The following AMH variants were observed in gnomAD, a reference collection of about 807,000 sequenced individuals.
AMH encodes the protein anti-Mullerian hormone, also known as anti-Muellerian hormone.
A neutral mutation model predicts 33.3 loss-of-function variants in AMH; 39 were observed. The observed-to-expected ratio is 1.17, with a 90% confidence interval of 0.91 to 1.53. The LOEUF is 1.53. AMH is among the 40% of genes most tolerant of loss of function. The pLI is 0.00. For synonymous variants in AMH, 536 were observed against 403.0 expected, an observed-to-expected ratio of 1.33 and a Z score of -3.95; for missense variants, 1,019 against 799.8, an observed-to-expected ratio of 1.27 and a Z score of -3.30.
In AMH at chr19:2,251,106, G is replaced by A. The variant is rs565488272; in HGVS notation, c.832G>A (p.Ala278Thr). ...TVPFPPPRPS[A>T]ELEESPPSAD... ...TCCAATTGCGGGTTCCAGGCCATCC[G>A]CGGAACTCGAGGAGTCGCCACCCAG... is the stretch of plus-strand genomic sequence containing the variant. The change falls in exon 5 of 5, where the codon GCG (alanine) becomes ACG (threonine). Residue 278 changes from alanine to threonine, a missense_variant. Ala to Thr is a moderately conservative substitution (Grantham distance 58). Coordinates refer to ENST00000221496, the MANE Select transcript of AMH (RefSeq NM_000479.5). 13 of 1,542,924 alleles carry A rather than the reference G, an allele frequency of 8.4e-6. No individual in the cohort carries two copies. The highest frequency in any genetic ancestry group is 4.9e-5 in the East Asian group (2 of 40,940).
In AMH at chr19:2,250,655, C is replaced by T. The variant is rs1274289589; in HGVS notation, c.559C>T (p.Leu187Phe). 5 of 1,539,142 alleles carry T rather than the reference C, an allele frequency of 3.2e-6. No homozygotes were observed. In the East Asian group the frequency reaches 7.3e-5, roughly 23 times the overall value. The change falls in exon 3 of 5, where the codon CTC becomes TTC. Residue 187 changes from leucine to phenylalanine, a missense_variant. Transcript: ENST00000221496. ...TRAGLPGAQS[L>F]CPSRDTRYLV... Reference sequence around the variant, plus strand: ...GGCTGAGCCCTGGTCTCCGCAGAGCCTCTGCCCCTCCCGAGACACCCGCTA... The same window carrying T: ...GGCTGAGCCCTGGTCTCCGCAGAGCTTCTGCCCCTCCCGAGACACCCGCTA...
intron 1 of AMH, 124 bp downstream of exon 1, chr19:2,249,868 T>C (rs1346536869): frequency 1.2e-5 from 14 of 1,184,690 alleles, no homozygotes; most frequent in African/African-American, 1.5e-5. Flanking sequence ...GTCTTGTTCC[T>C]AGGACTGGGT....
chr19:2,250,358 C>T lies in AMH; in HGVS notation c.434C>T (p.Ser145Leu), dbSNP rs543640330. Reference sequence around the variant, plus strand: ...GCAGTGACCTGGGAGCCAACACCCTCGCTGAGGTTCCAGGAGCCCCCGCCT... The same window carrying T: ...GCAGTGACCTGGGAGCCAACACCCTTGCTGAGGTTCCAGGAGCCCCCGCCT... ...LEEVTWEPTP[S>L]LRFQEPPPGG... is the part of the protein sequence containing the mutation. The change falls in exon 2 of 5, where the codon TCG becomes TTG. Residue 145 changes from serine (S) to leucine (L), a missense_variant. Coordinates refer to ENST00000221496, the MANE Select transcript of AMH (RefSeq NM_000479.5). The T allele has an allele frequency of 1.6e-5, 26 of 1,597,958 alleles. No homozygotes were observed. The highest frequency in any genetic ancestry group is 1.5e-4 in the South Asian group (13 of 88,716).
chr19:2,250,221 T>C, intron 1 of AMH, 116 bp from the exon 2 acceptor site: 2 of 1,487,758 alleles, frequency 1.3e-6, no homozygotes, highest in South Asian at 2.4e-5. Flanking sequence ...AGGGGCACCC[T>C]TGTCCCCCGC....
At position 2,251,134 on chromosome 19, in the gene AMH, C is replaced by T. The variant is rs772647922; in HGVS notation, c.860C>T (p.Ala287Val). Reference protein sequence around the residue: ...SAELEESPPSADPFLETLTRL... With the variant: ...SAELEESPPSVDPFLETLTRL... ...GAACTCGAGGAGTCGCCACCCAGCG[C>T]AGACCCCTTCCTGGAGACGCTCACG... The change falls in exon 5 of 5, where the codon GCA becomes GTA. Residue 287 changes from alanine to valine, a missense_variant. By Grantham distance (64) the Ala-to-Val change is moderately conservative. Transcript: ENST00000221496. The T allele has an allele frequency of 3.3e-6, 5 of 1,536,834 alleles. No individual in the cohort carries two copies. Among genetic ancestry groups the T allele is most frequent in the Admixed American group, 1.9e-5 (1 of 52,334 alleles).
At position 2,251,912 on chromosome 19, in the gene AMH, G is replaced by T. The variant is rs1443809371; in HGVS notation, c.1638G>T (p.Ala546=). ...GCCTGTCGGAGGAGCGCATCAGCGC[G>T]CACCACGTGCCCAACATGGTGGCCA... The part of the protein sequence containing the change: ...LISLSEERIS[A]HHVPNMVATE... Residue 546 remains alanine (A), a synonymous_variant, in exon 5 of 5, where the codon GCG becomes GCT. Coordinates refer to ENST00000221496, the MANE Select transcript of AMH (RefSeq NM_000479.5). 6.4e-7 allele frequency: 1 copy of T among 1,560,022 alleles called. No individual in the cohort carries two copies.
chr19:2,249,831 G>A, intron 1 of AMH, 87 bp downstream of exon 1: 1 of 1,387,822 alleles, frequency 7.2e-7, no homozygotes, highest in Non-Finnish European at 9.4e-7. Flanking sequence ...GGCTGGCAGA[G>A]CCCCCACCCT....
At position 2,251,255 on chromosome 19, in the gene AMH, A is replaced by G. The variant is rs2025036800; in HGVS notation, c.981A>G (p.Leu327=). ...CGCTGGCCGGCTTCCCGCAGGGCCT[A>G]GTCAACCTGTCGGACCCCGCGGCGC... The part of the protein sequence containing the change: ...PDALAGFPQG[L]VNLSDPAALE... Residue 327 remains leucine (L), a synonymous_variant, in exon 5 of 5, where the codon CTA becomes CTG. Transcript: ENST00000221496. 2.7e-6 allele frequency: 4 copies of G among 1,505,340 alleles called. No individual in the cohort carries two copies. Among genetic ancestry groups the G allele is most frequent in the Non-Finnish European group, 3.5e-6 (4 of 1,135,010 alleles). The allele number at this position is 1,505,340 out of a possible 1,614,324, so 93.2% of individuals were successfully genotyped here.
intron 2 of AMH, 33 bp from the exon 3 acceptor site, chr19:2,250,615 GCCTC>G (rs1216250655): frequency 4.5e-5 from 69 of 1,535,458 alleles, no homozygotes; most frequent in Non-Finnish European, 5.8e-5. Context: ...GGCTGGGTAA[GCCTC>G]CATCCAGCCG....
rs766630178 is a variant in AMH at position 2,249,469 on chromosome 19, C to T, written c.137C>T (p.Pro46Leu). 26 of 1,607,172 alleles carry T rather than the reference C, an allele frequency of 1.6e-5. No individual in the cohort carries two copies. Among genetic ancestry groups the T allele is most frequent in the African/African-American group, 2.7e-5 (2 of 74,836 alleles). Residue 46 changes from proline to leucine, a missense_variant, in exon 1 of 5, where the codon CCT becomes CTT. Coordinates refer to ENST00000221496, the MANE Select transcript of AMH (RefSeq NM_000479.5). ...GLIFREDLDW[P>L]PGSPQEPLCL... ...ATCTTCCGAGAAGACTTGGACTGGC[C>T]TCCAGGCAGCCCACAAGAGCCTCTG... is the stretch of plus-strand genomic sequence containing the variant.
chr19:2,250,474 G>T lies in AMH; in HGVS notation c.550G>T (p.Ala184Ser). The T allele has an allele frequency of 6.5e-7, 1 of 1,548,348 alleles. No homozygotes were observed. ...TGTGACGAGGGCTGGGCTGCCGGGTGCCCAGGTACCAGGGAGTTGCATGGG... is the reference window on the plus strand; with the variant it reads ...TGTGACGAGGGCTGGGCTGCCGGGTTCCCAGGTACCAGGGAGTTGCATGGG... Reference protein sequence around the residue: ...VTVTRAGLPGAQSLCPSRDTR... With the variant: ...VTVTRAGLPGSQSLCPSRDTR... Residue 184 changes from alanine to serine, a missense_variant, in exon 2 of 5, where the codon GCC (alanine) becomes TCC (serine). Ala to Ser is a moderately conservative substitution (Grantham distance 99). Coordinates refer to ENST00000221496, the MANE Select transcript of AMH (RefSeq NM_000479.5).
chr19:2,249,479 C>T lies in AMH; in HGVS notation c.147C>T (p.Ser49=), dbSNP rs753342766. 1 of 1,606,496 alleles carries T rather than the reference C, an allele frequency of 6.2e-7. No individual in the cohort carries two copies. The highest frequency in any genetic ancestry group is 2.2e-5 in the East Asian group (1 of 44,680). ...AAGACTTGGACTGGCCTCCAGGCAGCCCACAAGAGCCTCTGTGCCTGGTGG... is the reference window on the plus strand; with the variant it reads ...AAGACTTGGACTGGCCTCCAGGCAGTCCACAAGAGCCTCTGTGCCTGGTGG... ...FREDLDWPPG[S]PQEPLCLVAL... Residue 49 remains serine, a synonymous_variant, in exon 1 of 5, where the codon AGC becomes AGT. Transcript: ENST00000221496.
In AMH at chr19:2,251,153, G is replaced by C. The variant is rs898529503; in HGVS notation, c.879G>C (p.Thr293=). The C allele has an allele frequency of 1.0e-5, 16 of 1,526,658 alleles. No individual in the cohort carries two copies. The highest frequency in any genetic ancestry group is 1.4e-5 in the Non-Finnish European group (16 of 1,143,650). The allele number at this position is 1,526,658 out of a possible 1,614,324, so 94.6% of individuals were successfully genotyped here. ...CCAGCGCAGACCCCTTCCTGGAGACGCTCACGCGCCTGGTGCGGGCGCTGC... is the reference window on the plus strand; with the variant it reads ...CCAGCGCAGACCCCTTCCTGGAGACCCTCACGCGCCTGGTGCGGGCGCTGC... ...SPPSADPFLE[T]LTRLVRALRV... Residue 293 remains threonine, a synonymous_variant, in exon 5 of 5, where the codon ACG becomes ACC. Transcript: ENST00000221496.
chr19:2,251,509 C>A lies in AMH; in HGVS notation c.1235C>A (p.Pro412Gln), dbSNP rs778437134. The A allele has an allele frequency of 7.3e-7, 1 of 1,366,978 alleles. No individual in the cohort carries two copies. 84.7% of individuals were successfully genotyped at this position (1,366,978 alleles called of 1,614,324 possible). ...PLLARLLALCPGGPGGLGDPL... is the reference protein window; with the variant it reads ...PLLARLLALCQGGPGGLGDPL... ...CTGGCGCGCCTGCTCGCGCTCTGCC[C>A]AGGTGGCCCCGGCGGCCTCGGCGAT... The change falls in exon 5 of 5, where the codon CCA becomes CAA. Residue 412 changes from proline to glutamine, a missense_variant. Transcript: ENST00000221496.
Position 2,251,510 on chromosome 19 carries a change from A to G in AMH, c.1236A>G (p.Pro412=). The part of the protein sequence containing the change: ...PLLARLLALC[P]GGPGGLGDPL... ...TGGCGCGCCTGCTCGCGCTCTGCCC[A>G]GGTGGCCCCGGCGGCCTCGGCGATC... Residue 412 remains proline (P), a synonymous_variant, in exon 5 of 5, where the codon CCA becomes CCG. Transcript: ENST00000221496. 1 of 1,366,572 alleles carries G rather than the reference A, an allele frequency of 7.3e-7. No individual in the cohort carries two copies. Among genetic ancestry groups the G allele is most frequent in the Non-Finnish European group, 9.4e-7 (1 of 1,063,972 alleles). 84.7% of individuals were successfully genotyped at this position (1,366,572 alleles called of 1,614,324 possible). A position where few individuals can be genotyped will look rare whatever the true frequency, so the allele number is the denominator to read the frequency against.
Position 2,250,685 on chromosome 19 carries a change from G to A in AMH, c.589G>A (p.Val197Met). The A allele has an allele frequency of 6.5e-7, 1 of 1,539,662 alleles. No homozygotes were observed. Among genetic ancestry groups the A allele is most frequent in the Non-Finnish European group, 8.7e-7 (1 of 1,147,458 alleles). ...LCPSRDTRYL[V>M]LAVDRPAGAW... ...CCCCTCCCGAGACACCCGCTACCTG[G>A]TGTTAGCGGTGGACCGCCCTGCGGG... The change falls in exon 3 of 5, where the codon GTG becomes ATG. Residue 197 changes from valine (V) to methionine (M), a missense_variant. Physicochemically the swap from Val to Met is conservative, Grantham distance 21 (BLOSUM62 1). Coordinates refer to ENST00000221496, the MANE Select transcript of AMH (RefSeq NM_000479.5).
In AMH at chr19:2,251,099, G is replaced by A; in HGVS notation, c.825G>A (p.Arg275=). 1 of 1,542,182 alleles carries A rather than the reference G, an allele frequency of 6.5e-7. No individual in the cohort carries two copies. Among genetic ancestry groups the A allele is most frequent in the East Asian group, 2.4e-5 (1 of 40,916 alleles). ...CAACTCCTCCAATTGCGGGTTCCAG[G>A]CCATCCGCGGAACTCGAGGAGTCGC... ...QLDTVPFPPP[R]PSAELEESPP... Residue 275 remains arginine (R), a splice_region_variant and synonymous_variant, in exon 5 of 5, where the codon AGG becomes AGA. Transcript: ENST00000221496.
chr19:2,249,776 G>T lies in AMH; in HGVS notation c.412+32G>T. 2.0e-6 allele frequency: 3 copies of T among 1,475,864 alleles called. No homozygotes were observed. In the South Asian group the frequency reaches 4.3e-5, roughly 21 times the overall value. The allele number at this position is 1,475,864 out of a possible 1,614,324, so 91.4% of individuals were successfully genotyped here. On this transcript the variant is annotated intron_variant, in intron 1 of 4. Coordinates refer to ENST00000221496, the MANE Select transcript of AMH (RefSeq NM_000479.5). ...GGGGCCCAGCCCCAAGCTTGGCACC[G>T]CCGTCTTCCTTCAGGTGGGCCGGGT... is the stretch of plus-strand genomic sequence containing the variant.
Position 2,251,408 on chromosome 19 carries a change from C to T in AMH, c.1134C>T (p.Arg378=). Residue 378 remains arginine (R), a synonymous_variant, in exon 5 of 5, where the codon CGC becomes CGT. Coordinates refer to ENST00000221496, the MANE Select transcript of AMH (RefSeq NM_000479.5). ...SAPWATALAR[R]VAAELQAAAA... is the part of the protein sequence containing the mutation. ...CGTGGGCCACGGCCCTGGCGCGCCG[C>T]GTGGCTGCTGAACTGCAAGCGGCGG... is the stretch of plus-strand genomic sequence containing the variant. 1 of 1,449,264 alleles carries T rather than the reference C, an allele frequency of 6.9e-7. No individual in the cohort carries two copies. Among genetic ancestry groups the T allele is most frequent in the Non-Finnish European group, 9.0e-7 (1 of 1,107,380 alleles). The allele number at this position is 1,449,264 out of a possible 1,614,324, so 89.8% of individuals were successfully genotyped here.
Sources: gnomAD v4.1 joint callset for allele counts on GRCh38, gnomAD v4.1.1 for gene constraint, MANE v1.5 for transcripts, NCBI Gene and HGNC (gene_info 2026-07-23, HGNC 2026-07-21) for gene names.